ZBTB40: variants seen among roughly 807,000 people sequenced by gnomAD.
ZBTB40 encodes the protein zinc finger and BTB domain-containing protein 40.
A neutral mutation model predicts 117.5 loss-of-function variants in ZBTB40; 60 were observed. The observed-to-expected ratio is 0.51, with a 90% CI of 0.41 to 0.63. The LOEUF (loss-of-function observed/expected upper bound fraction) is 0.63, where lower values mean the gene tolerates loss of function less well. Ranked by LOEUF, ZBTB40 falls within the 30% of genes least tolerant of loss-of-function variation. ZBTB40 has a pLI of 0.00. For synonymous variants in ZBTB40, 525 were observed against 577.1 expected (o/e 0.91, Z 1.29); for missense variants, 1,287 against 1,498.5 (o/e 0.86, Z 2.33).
In ZBTB40 at chr1:22,490,062, C is replaced by T; in HGVS notation, c.114C>T (p.His38=). The T allele has an allele frequency of 6.2e-7, 1 of 1,614,192 alleles. No homozygotes were observed. The highest frequency in any genetic ancestry group is 2.2e-5 in the East Asian group (1 of 44,880). ...TTGGTACCATTTACTTCAGGGCTCA[C>T]AAGCTTGTCCTGGCTGCTGCCAGCC... is the stretch of plus-strand genomic sequence containing the variant. ...ISIGTIYFRA[H]KLVLAAASLL... is the part of the protein sequence containing the mutation. Residue 38 remains histidine (H), a synonymous_variant, in exon 2 of 18, where the codon CAC becomes CAT. Coordinates refer to ENST00000375647, the MANE Select transcript of ZBTB40 (RefSeq NM_014870.4).
At position 22,490,932 on chromosome 1, in the gene ZBTB40, G is replaced by A. The variant is rs1188766101; in HGVS notation, c.697+287G>A. Among the ~76,000 whole-genome samples the A allele has an allele frequency of 2.6e-5, 4 of 152,204 alleles. No homozygotes were observed. In the East Asian group the frequency reaches 7.7e-4, roughly 29 times the overall value. On this transcript the variant is annotated intron_variant, in intron 2 of 17. Transcript: ENST00000375647. ...TTCTCTCGAGACGGAGTCTTGTTCT[G>A]TTGCCCAGGCTGAAGTGCAATGGCA...
chr1:22,452,474 C>T (rs985458869), intron 1 of ZBTB40, among the ~76,000 whole-genome samples: 2 of 152,188 alleles, frequency 1.3e-5, no homozygotes, highest in South Asian at 2.1e-4. Context: ...ATGTAATTTG[C>T]GAAAGTTCTA....
At chr1:22,525,500 T>G (rs1417448362) in intron 17 of ZBTB40, among the ~76,000 whole-genome samples, 1 of 152,224 alleles carries the variant, frequency 6.6e-6, no homozygotes, top group Admixed American at 6.5e-5. Flanking sequence ...CTGGGATCTA[T>G]GGGTTAGAAA....
intron 1 of ZBTB40, among the ~76,000 whole-genome samples, chr1:22,468,379 G>T (rs896264161): frequency 6.7e-6 from 1 of 150,332 alleles, no homozygotes; most frequent in Non-Finnish European, 1.5e-5. Context: ...TATTCACCAG[G>T]CTGAATTTTT....
At position 22,493,211 on chromosome 1, in the gene ZBTB40, C is replaced by G. The variant is rs559234724; in HGVS notation, c.831+1678C>G. Among the ~76,000 whole-genome samples the G allele has an allele frequency of 2.6e-5, 4 of 152,276 alleles. No individual in the cohort carries two copies. In the East Asian group the frequency reaches 7.7e-4, roughly 29 times the overall value. On this transcript the variant is annotated intron_variant, in intron 3 of 17. Transcript: ENST00000375647. ...ATCATTAATATACTTCAAAAGAACA[C>G]TGATTTGCTGTTGGTGATCATTATA...
intron 14 of ZBTB40, 40 bp from the exon 15 acceptor site, chr1:22,521,455 TG>T: frequency 6.2e-7 from 1 of 1,614,108 alleles, no homozygotes; most frequent in Non-Finnish European, 8.5e-7. Flanking sequence ...TCCAGCTTGC[TG>T]GAACTTTCTA....
intron 12 of ZBTB40, among the ~76,000 whole-genome samples, chr1:22,517,096 C>T (rs1485108847): frequency 2.0e-5 from 3 of 152,178 alleles, no homozygotes; most frequent in African/African-American, 4.8e-5. Flanking sequence ...ACCACACTCG[C>T]ACCTTCCGTG....
At chr1:22,489,750 G>A in intron 1 of ZBTB40, 130 bp from the exon 2 acceptor site, 1 of 646,118 alleles carries the variant, frequency 1.5e-6, no homozygotes, top group Non-Finnish European at 2.8e-6. Context: ...CTGGCATACT[G>A]TCCCTTCCTA....
Position 22,502,258 on chromosome 1 carries a change from G to C in ZBTB40, c.1025-41G>C, listed in dbSNP as rs746829779. On this transcript the variant is annotated intron_variant, in intron 4 of 17. Coordinates refer to ENST00000375647, the MANE Select transcript of ZBTB40 (RefSeq NM_014870.4). ...ACCATGCTGTCATTTTCTTCAAATT[G>C]ACTAGCTTCTCTTGTGTGTCTCTAA... 2.2e-5 allele frequency: 35 copies of C among 1,598,106 alleles called. No homozygotes were observed. In the South Asian group the frequency reaches 3.8e-4, roughly 17 times the overall value.
At chr1:22,434,236 G>T (rs148300937) in intron 1 of ZBTB40, among the ~76,000 whole-genome samples, 2 of 152,004 alleles carry the variant, frequency 1.3e-5, no homozygotes, top group African/African-American at 4.8e-5. Context: ...AGTCATTTTC[G>T]TGCCTTTCAT....
intron 1 of ZBTB40, among the ~76,000 whole-genome samples, chr1:22,468,948 A>G (rs1182705615): frequency 6.6e-6 from 1 of 152,080 alleles, no homozygotes; most frequent in African/African-American, 2.4e-5. Flanking sequence ...CACCTCAGCT[A>G]CCTGAACAGC....
At chr1:22,464,396 C>G (rs1037690911) in intron 1 of ZBTB40, among the ~76,000 whole-genome samples, 8 of 152,192 alleles carry the variant, frequency 5.3e-5, no homozygotes, top group Non-Finnish European at 1.2e-4. Flanking sequence ...ACTCTTCTTC[C>G]CCTATCCAGT....
chr1:22,506,117 T>G lies in ZBTB40; in HGVS notation c.1236T>G (p.Thr412=). Residue 412 remains threonine, a synonymous_variant, in exon 6 of 18, where the codon ACT becomes ACG. Coordinates refer to ENST00000375647, the MANE Select transcript of ZBTB40 (RefSeq NM_014870.4). The part of the protein sequence containing the change: ...ETIENLLHRM[T]EEKTLTAEGL... Reference sequence around the variant, plus strand: ...TAGAAAATTTGTTGCACAGAATGACTGAAGAGAAGACGCTGACTGCTGAGG... The same window carrying G: ...TAGAAAATTTGTTGCACAGAATGACGGAAGAGAAGACGCTGACTGCTGAGG... 6.2e-7 allele frequency: 1 copy of G among 1,614,166 alleles called. No individual in the cohort carries two copies. Among genetic ancestry groups the G allele is most frequent in the Middle Eastern group, 1.6e-4 (1 of 6,062 alleles).
chr1:22,447,134 A>G (rs1370826884), upstream of ZBTB40, among the ~76,000 whole-genome samples: 2 of 151,992 alleles, frequency 1.3e-5, no homozygotes, highest in Non-Finnish European at 2.9e-5. Flanking sequence ...AAATCTTGAT[A>G]TGGTTGGTAA....
intron 1 of ZBTB40, among the ~76,000 whole-genome samples, chr1:22,470,867 T>C (rs1641387496): frequency 6.6e-6 from 1 of 152,208 alleles, no homozygotes; most frequent in Non-Finnish European, 1.5e-5. Flanking sequence ...GGCACCAGGC[T>C]TCCACTAAAT....
At chr1:22,508,793 G>A (rs1639147972) in intron 8 of ZBTB40, 62 bp downstream of exon 8, 1 of 1,509,512 alleles carries the variant, frequency 6.6e-7, no homozygotes, top group African/African-American at 1.5e-5. Flanking sequence ...AGTCTTCCTA[G>A]AAAATAGGAA....
chr1:22,522,525 C>T, intron 16 of ZBTB40, 62 bp downstream of exon 16: 1 of 1,531,446 alleles, frequency 6.5e-7, no homozygotes, highest in Non-Finnish European at 9.0e-7. Flanking sequence ...CCCTCCACCA[C>T]TTGCAGCTTT....
intron 1 of ZBTB40, among the ~76,000 whole-genome samples, chr1:22,457,211 A>G (rs1014579824): frequency 6.6e-5 from 10 of 152,136 alleles, no homozygotes; most frequent in African/African-American, 2.4e-4. Flanking sequence ...GTTTCCCTGC[A>G]TTTGTCCACA....
At chr1:22,502,895 G>C (rs1463494528) in intron 5 of ZBTB40, among the ~76,000 whole-genome samples, 1 of 152,098 alleles carries the variant, frequency 6.6e-6, no homozygotes. Context: ...TGTAGAAAAT[G>C]GGGAAAGCAA....
Sources: gnomAD v4.1 joint callset for allele counts (sites outside exome capture counted in the v4.1 genomes callset) on GRCh38, gnomAD v4.1.1 for gene constraint, MANE v1.5 for transcripts, NCBI Gene and HGNC (gene_info 2026-07-23, HGNC 2026-07-21) for gene names.